LYZL1: variants seen among roughly 807,000 people sequenced by gnomAD.
The protein encoded by LYZL1 is lysozyme-like protein 1.
LYZL1 carries 16 observed loss-of-function variants against 17.9 expected under a neutral mutation model. The observed-to-expected ratio is 0.90, with a 90% CI of 0.61 to 1.36. LYZL1 has a LOEUF of 1.36. Among genes scored for constraint, LYZL1 ranks in the 40% most tolerant of loss-of-function variants. LYZL1 has a pLI of 0.00. For missense variants in LYZL1, 149 were observed against 188.4 expected, an observed-to-expected ratio of 0.79 and a Z score of 1.22; for synonymous variants, 58 against 71.8, an observed-to-expected ratio of 0.81 and a Z score of 0.97.
At chr10:29,307,503 A>G (rs1486940294) in intron 3 of LYZL1, among the ~76,000 whole-genome samples, 2 of 152,136 alleles carry the variant, frequency 1.3e-5, no homozygotes, top group Admixed American at 6.5e-5. Flanking sequence ...TTATCCATTC[A>G]TCGGTCAACA....
At chr10:29,292,045 C>T (rs1285221871) in intron 2 of LYZL1, 39 bp downstream of exon 2, 2 of 1,472,116 alleles carry the variant, frequency 1.4e-6, no homozygotes, top group African/African-American at 2.8e-5. Context: ...CTGTCCTTGA[C>T]CTTTCCCCTG....
At chr10:29,309,204 C>T (rs2132836340) in intron 3 of LYZL1, among the ~76,000 whole-genome samples, 1 of 152,040 alleles carries the variant, frequency 6.6e-6, no homozygotes, top group Admixed American at 6.5e-5. Flanking sequence ...TGGCACACAC[C>T]TGTAATTCCA....
chr10:29,310,668 T>A (rs1835658826), intron 4 of LYZL1, among the ~76,000 whole-genome samples: 1 of 152,198 alleles, frequency 6.6e-6, no homozygotes, highest in African/African-American at 2.4e-5. Context: ...GGGCCTTGCA[T>A]TCGCTGCTGC....
chr10:29,293,877 A>C (rs916938921), intron 3 of LYZL1, among the ~76,000 whole-genome samples: 1 of 151,738 alleles, frequency 6.6e-6, no homozygotes, highest in Admixed American at 6.6e-5. Context: ...GGGAGGCTGA[A>C]GCGGGAGAAT....
chr10:29,316,718 T>TC (rs1564395812), intron 3 of LYZL1, among the ~76,000 whole-genome samples: 1 of 133,588 alleles, frequency 7.5e-6, no homozygotes, highest in Non-Finnish European at 1.7e-5. Flanking sequence ...TTTTTTTTTT[T>TC]CTTTTTTTTT....
downstream of LYZL1, among the ~76,000 whole-genome samples, chr10:29,313,058 A>G (rs1203503796): frequency 6.6e-6 from 1 of 152,162 alleles, no homozygotes; most frequent in Non-Finnish European, 1.5e-5. Flanking sequence ...TTTCCTGCCC[A>G]CCGGCTTGCC....
In LYZL1 at chr10:29,291,804, A is replaced by T. The variant is rs760069178; in HGVS notation, c.-25-39A>T. On this transcript the variant is annotated intron_variant, in intron 1 of 4. Coordinates refer to ENST00000649382, the MANE Select transcript of LYZL1 (RefSeq NM_032517.6). The stretch of plus-strand genomic sequence containing the variant: ...CCACCGCTGGATTTCAAAGTTCCTG[A>T]ACCAAGATCGTCTGACCTGTTCTCC... The T allele has an allele frequency of 1.5e-5, 23 of 1,532,826 alleles. 1 individual carries two copies. The South Asian group carries it at 2.6e-4, about 17-fold the overall frequency. 95.0% of individuals were successfully genotyped at this position (1,532,826 alleles called of 1,614,324 possible).
Position 29,289,070 on chromosome 10 carries a change from A to G in LYZL1, c.-186A>G. 1 of 1,483,882 alleles carries G rather than the reference A, an allele frequency of 6.7e-7. No homozygotes were observed. Among genetic ancestry groups the G allele is most frequent in the Non-Finnish European group, 9.1e-7 (1 of 1,101,982 alleles). 91.9% of individuals were successfully genotyped at this position (1,483,882 alleles called of 1,614,324 possible). ...CACTCTAAAGAAATGTTCTTGAGCTAGGAAAGGATTACTCGCGCCTCGTTA... is the reference window on the plus strand; with the variant it reads ...CACTCTAAAGAAATGTTCTTGAGCTGGGAAAGGATTACTCGCGCCTCGTTA... On this transcript the variant is annotated 5_prime_UTR_variant, in exon 1 of 5. Coordinates refer to ENST00000649382, the MANE Select transcript of LYZL1 (RefSeq NM_032517.6).
chr10:29,316,669 T>C (rs965804372), intron 3 of LYZL1, among the ~76,000 whole-genome samples: 5 of 151,856 alleles, frequency 3.3e-5, no homozygotes, highest in African/African-American at 1.2e-4. Flanking sequence ...TGATGTTTTT[T>C]CTTCCAGGTT....
In LYZL1 at chr10:29,298,072, C is replaced by T. The variant is rs1047340753; in HGVS notation, c.298+5395C>T. Among the ~76,000 whole-genome samples the T allele has an allele frequency of 3.9e-5, 6 of 152,120 alleles. 1 individual carries two copies. The highest frequency in any genetic ancestry group is 8.8e-5 in the Non-Finnish European group (6 of 68,030). ...CTTTACCTCCTGTATCATAAAGAAT[C>T]CTGGCTGGAAGACAGAACAAACACA... On this transcript the variant is annotated intron_variant, in intron 3 of 4. Transcript: ENST00000649382.
rs146929957 is a variant in LYZL1 at position 29,306,839 on chromosome 10, T to TGAGA, written c.299-3246_299-3243dup. Among the ~76,000 whole-genome samples, 304 of 139,086 alleles carry TGAGA rather than the reference T, an allele frequency of 2.2e-3. 1 individual carries two copies. Among genetic ancestry groups the TGAGA allele is most frequent in the African/African-American group, 5.8e-3 (215 of 37,200 alleles). The allele number at this position is 139,086 out of a possible 152,430, so 91.2% of individuals were successfully genotyped here. ...GTGTGTGTGTGTGTGTGAAAGAGAT[T>TGAGA]GAGAGAGAGAGAGAGAGAGAGAGAG... On this transcript the variant is annotated intron_variant, in intron 3 of 4. Transcript: ENST00000649382.
chr10:29,310,937 G>A (rs1431526033), intron 4 of LYZL1, 53 bp from the exon 5 acceptor site: 86 of 1,613,832 alleles, frequency 5.3e-5, no homozygotes, highest in Admixed American at 6.7e-5. Context: ...AAACTAAGAC[G>A]GTTTGGATTG....
intron 3 of LYZL1, among the ~76,000 whole-genome samples, chr10:29,304,225 TAC>T (rs1361988288): frequency 2.0e-5 from 3 of 152,170 alleles, no homozygotes; most frequent in African/African-American, 7.2e-5. Context: ...CACATATACA[TAC>T]ACACAGTGTA....
intron 3 of LYZL1, among the ~76,000 whole-genome samples, chr10:29,306,792 A>ATGTGTG (rs1238882899): frequency 1.8e-3 from 166 of 91,526 alleles, no homozygotes; most frequent in African/African-American, 7.5e-3. Context: ...GTTACCGCTT[A>ATGTGTG]TGTATGTGTG....
At chr10:29,301,637 CA>C (rs1835520119) in intron 3 of LYZL1, among the ~76,000 whole-genome samples, 1 of 152,110 alleles carries the variant, frequency 6.6e-6, no homozygotes, top group Admixed American at 6.5e-5. Flanking sequence ...TCATTTTCAG[CA>C]ATTTGATTAT....
chr10:29,298,815 G>A (rs1835479617), intron 3 of LYZL1, among the ~76,000 whole-genome samples: 1 of 152,086 alleles, frequency 6.6e-6, no homozygotes, highest in Non-Finnish European at 1.5e-5. Flanking sequence ...TTGGCACCAG[G>A]GACCAGTTTG....
rs554496237 is a variant in LYZL1, at chr10:29,317,150, G to A, written c.*-160G>A. Among the ~76,000 whole-genome samples, 23 of 152,240 alleles carry A rather than the reference G, an allele frequency of 1.5e-4. No homozygotes were observed. The South Asian group carries it at 4.2e-3, about 28-fold the overall frequency. On this transcript the variant is annotated intron_variant and NMD_transcript_variant, in intron 3 of 4. Coordinates refer to the LYZL1 transcript ENST00000494304. ...TTCTAACACATGACACATAGGAACA[G>A]CATAACAGTTACTTACGCTGACCTG...
At chr10:29,299,885 C>A (rs942742281) in intron 3 of LYZL1, among the ~76,000 whole-genome samples, 9 of 152,168 alleles carry the variant, frequency 5.9e-5, no homozygotes, top group Non-Finnish European at 8.8e-5. Context: ...CTGGTAATTA[C>A]TGCTTTTCAG....
intron 1 of LYZL1, among the ~76,000 whole-genome samples, chr10:29,291,179 A>G (rs966427197): frequency 1.3e-5 from 2 of 152,238 alleles, no homozygotes; most frequent in African/African-American, 4.8e-5. Flanking sequence ...CTGATAACAT[A>G]AATAGCCAAT....
Sources: gnomAD v4.1 joint callset for allele counts (sites outside exome capture counted in the v4.1 genomes callset) on GRCh38, gnomAD v4.1.1 for gene constraint, MANE v1.5 for transcripts, NCBI Gene and HGNC (gene_info 2026-07-23, HGNC 2026-07-21) for gene names.